DGKB: variants seen among roughly 807,000 people sequenced by gnomAD.
DGKB encodes the protein 90 kDa diacylglycerol kinase.
A neutral mutation model predicts 114.3 loss-of-function variants in DGKB; 67 were observed. The ratio of observed to expected loss-of-function variants is 0.59; its 90% CI spans 0.48 to 0.72. The LOEUF is 0.72. Ranked by LOEUF, DGKB falls within the 30% of genes least tolerant of loss-of-function variation. DGKB has a pLI of 0.00. For synonymous variants in DGKB, 398 were observed against 323.1 expected, an observed-to-expected ratio of 1.23 and a Z score of -2.49; for missense variants, 907 against 975.2, an observed-to-expected ratio of 0.93 and a Z score of 0.93.
At chr7:14,169,773 TATAA>T (rs1780572943) in intron 25 of DGKB, among the ~76,000 whole-genome samples, 1 of 152,056 alleles carries the variant, frequency 6.6e-6, no homozygotes, top group South Asian at 2.1e-4. Context: ...AAATAAATAA[TATAA>T]ATAAGATGAA....
chr7:14,574,478 T>A, intron 19 of DGKB, 106 bp from the exon 20 acceptor site: 1 of 940,580 alleles, frequency 1.1e-6, no homozygotes, highest in Non-Finnish European at 1.6e-6. Context: ...TAAAGGTAAA[T>A]AATGATTTTG....
intron 1 of DGKB, among the ~76,000 whole-genome samples, chr7:14,971,761 C>CA (rs1167296303): frequency 7.2e-6 from 1 of 138,454 alleles, no homozygotes; most frequent in African/African-American, 2.9e-5. Flanking sequence ...ATATTGAAAG[C>CA]ATTTTTTTTT....
At position 14,718,515 on chromosome 7, in the gene DGKB, A is replaced by G. The variant is rs777238303; in HGVS notation, c.466+27T>C. Reference sequence around the variant, plus strand: ...CCTTTCTCCTGCCCCCAATCACGATAAGTAAACAAAATGAAGAAACACATA... The same window carrying G: ...CCTTTCTCCTGCCCCCAATCACGATGAGTAAACAAAATGAAGAAACACATA... On this transcript the variant is annotated intron_variant, in intron 6 of 25. Transcript: ENST00000402815. 4 of 1,592,588 alleles carry G rather than the reference A, an allele frequency of 2.5e-6. No individual in the cohort carries two copies. The South Asian group carries it at 4.6e-5, about 18-fold the overall frequency.
At chr7:14,569,508 AAC>A (rs1798066925) in intron 20 of DGKB, among the ~76,000 whole-genome samples, 1 of 152,174 alleles carries the variant, frequency 6.6e-6, no homozygotes, top group Non-Finnish European at 1.5e-5. Context: ...GCTAGGTTTG[AAC>A]ATTATCAACT....
intron 14 of DGKB, among the ~76,000 whole-genome samples, chr7:14,626,110 G>T (rs1808534634): frequency 6.6e-6 from 1 of 152,086 alleles, no homozygotes; most frequent in African/African-American, 2.4e-5. Context: ...AAAAATCTTT[G>T]TCTACATCAT....
At chr7:14,158,649 A>G (rs991959922) in intron 25 of DGKB, among the ~76,000 whole-genome samples, 25 of 152,178 alleles carry the variant, frequency 1.6e-4, no homozygotes, top group African/African-American at 6.0e-4. Flanking sequence ...ACTTATCCAC[A>G]AAAAAATTGC....
chr7:14,704,188 C>A (rs1825723811), intron 6 of DGKB, among the ~76,000 whole-genome samples: 1 of 151,450 alleles, frequency 6.6e-6, no homozygotes, highest in African/African-American at 2.4e-5. Flanking sequence ...GTAATCCCAC[C>A]ACTTTGGGAA....
chr7:14,324,363 C>A (rs1808353996), intron 23 of DGKB, among the ~76,000 whole-genome samples: 1 of 150,166 alleles, frequency 6.7e-6, no homozygotes, highest in Admixed American at 6.7e-5. Context: ...AGGAGAATTG[C>A]TTGACCCCAG....
chr7:14,949,195 C>T (rs78738698), intron 1 of DGKB, among the ~76,000 whole-genome samples: 4,598 of 151,884 alleles, frequency 0.03, 214 homozygotes, highest in African/African-American at 0.1. Context: ...AATATTCAAT[C>T]TCATTTATAA....
chr7:14,513,285 A>G (rs1236102678), intron 20 of DGKB, among the ~76,000 whole-genome samples: 1 of 152,038 alleles, frequency 6.6e-6, no homozygotes, highest in East Asian at 1.9e-4. Context: ...GAATAAAGCT[A>G]AAAGTTCTCT....
rs765355581 is a variant in DGKB at position 14,580,896 on chromosome 7, G to A, written c.1575C>T (p.Gly525=). The change falls in exon 19 of 26, where the codon GGC becomes GGT. Residue 525 remains glycine (G), a synonymous_variant. Coordinates refer to ENST00000402815, the MANE Select transcript of DGKB (RefSeq NM_001350709.2). ...PPVAILPLGT[G]NDLARCLRWG... ...ATCGCAGGCATCTTGCTAGATCATTGCCAGTCCCAAGAGGCAGAATCGCAA... is the reference window on the plus strand; with the variant it reads ...ATCGCAGGCATCTTGCTAGATCATTACCAGTCCCAAGAGGCAGAATCGCAA... 1 of 1,603,536 alleles carries A rather than the reference G, an allele frequency of 6.2e-7. No individual in the cohort carries two copies. Among genetic ancestry groups the A allele is most frequent in the Non-Finnish European group, 8.5e-7 (1 of 1,172,944 alleles).
chr7:14,747,362 GT>G (rs566082859), intron 4 of DGKB, among the ~76,000 whole-genome samples: 11 of 147,536 alleles, frequency 7.5e-5, no homozygotes, highest in Middle Eastern at 3.5e-3. Context: ...CTGGCTAATA[GT>G]TTTTTTTTTT....
In DGKB at chr7:14,757,810, C is replaced by G. The variant is rs145608601; in HGVS notation, c.71-79G>C. On this transcript the variant is annotated intron_variant, in intron 2 of 25. Transcript: ENST00000402815. ...TAGCCCAGTCCAGAAACAGAGACCACTTAAAATGTAAATAAGCATCAGCAG... is the reference window on the plus strand; with the variant it reads ...TAGCCCAGTCCAGAAACAGAGACCAGTTAAAATGTAAATAAGCATCAGCAG... The G allele has an allele frequency of 5.0e-5, 34 of 677,708 alleles. 1 individual carries two copies. The highest frequency in any genetic ancestry group is 5.2e-4 in the Middle Eastern group (2 of 3,842). The allele number at this position is 677,708 out of a possible 1,614,324, so 42.0% of individuals were successfully genotyped here.
intron 2 of DGKB, among the ~76,000 whole-genome samples, chr7:14,805,115 G>C (rs966379771): frequency 6.6e-6 from 1 of 151,814 alleles, no homozygotes; most frequent in East Asian, 1.9e-4. Flanking sequence ...AAATTTTTTA[G>C]TTGTCTCCAT....
intron 2 of DGKB, among the ~76,000 whole-genome samples, chr7:14,773,898 G>GT (rs1280049021): frequency 6.7e-6 from 1 of 149,900 alleles, no homozygotes; most frequent in Admixed American, 6.6e-5. Context: ...CCTTTTAAGT[G>GT]TTTTGTAGTC....
chr7:14,430,179 G>A (rs1056643522), intron 21 of DGKB, among the ~76,000 whole-genome samples: 2 of 152,034 alleles, frequency 1.3e-5, no homozygotes, highest in Non-Finnish European at 2.9e-5. Flanking sequence ...TCACACACTC[G>A]TGGCAACATT....
In DGKB at chr7:14,916,742, A is replaced by G. The variant is rs186043249; in HGVS notation, c.-188+57954T>C. 2.6e-3 allele frequency among the ~76,000 whole-genome samples: 398 copies of G among 152,240 alleles called. 1 individual carries two copies. The highest frequency in any genetic ancestry group is 8.9e-3 in the African/African-American group (371 of 41,582). ...AGCTATTGACAGCTCCAACAGGCAG[A>G]AAATCTGTAAGGATACAATTGAACT... On this transcript the variant is annotated intron_variant, in intron 1 of 4. Transcript: ENST00000437998.
intron 2 of DGKB, among the ~76,000 whole-genome samples, chr7:14,803,216 A>G (rs1842400111): frequency 1.3e-5 from 2 of 152,258 alleles, no homozygotes; most frequent in Non-Finnish European, 2.9e-5. Flanking sequence ...AGTTGAGCTT[A>G]TAAGTGTGAG....
At chr7:14,358,181 G>T (rs187480659) in intron 21 of DGKB, among the ~76,000 whole-genome samples, 2 of 152,274 alleles carry the variant, frequency 1.3e-5, no homozygotes, top group East Asian at 3.9e-4. Context: ...ATATCCTGAA[G>T]AATGTTTTCC....
Sources: allele counts gnomAD v4.1 joint callset (sites outside exome capture counted in the v4.1 genomes callset), GRCh38; gene constraint gnomAD v4.1.1; transcripts MANE v1.5; gene names NCBI Gene and HGNC (gene_info 2026-07-23, HGNC 2026-07-21).